Variants in CAB39 observed in about 807,000 individuals in gnomAD.
CAB39 encodes the protein calcium-binding protein 39.
Under a neutral mutation model 40.0 loss-of-function variants are expected in CAB39, and 8 were observed. The ratio of observed to expected loss-of-function variants is 0.20; its 90% CI spans 0.12 to 0.36. The LOEUF is 0.36. Ranked by LOEUF, CAB39 falls within the 10% of genes least tolerant of loss-of-function variation. The pLI, the probability that CAB39 is intolerant of heterozygous loss-of-function variation, is 1.00. For missense variants in CAB39, 270 were observed against 401.1 expected, an observed-to-expected ratio of 0.67 and a Z score of 2.79; for synonymous variants, 156 against 141.6, an observed-to-expected ratio of 1.10 and a Z score of -0.72.
intron 1 of CAB39, among the ~76,000 whole-genome samples, chr2:230,727,350 A>G (rs1053423857): frequency 6.8e-6 from 1 of 146,428 alleles, no homozygotes; most frequent in African/African-American, 2.7e-5. Context: ...GAGCACTTGA[A>G]TAGATTGTTA....
At chr2:230,787,079 T>C (rs867362969) in intron 2 of CAB39, among the ~76,000 whole-genome samples, 17 of 152,296 alleles carry the variant, frequency 1.1e-4, no homozygotes, top group South Asian at 4.1e-4. Flanking sequence ...TCAGTAGATA[T>C]TAGTGTAGGT....
chr2:230,818,451 C>A, intron 8 of CAB39, 65 bp from the exon 9 acceptor site: 1 of 1,353,022 alleles, frequency 7.4e-7, no homozygotes, highest in Non-Finnish European at 1.0e-6. Context: ...GCACTGTGGC[C>A]GCAGCTCAGG....
intron 1 of CAB39, among the ~76,000 whole-genome samples, chr2:230,739,737 G>A (rs1386629985): frequency 6.6e-6 from 1 of 152,144 alleles, no homozygotes; most frequent in African/African-American, 2.4e-5. Context: ...CGGGTGATCC[G>A]CCCACCTCGG....
chr2:230,765,846 T>A (rs1044829896), intron 2 of CAB39, among the ~76,000 whole-genome samples: 2 of 152,152 alleles, frequency 1.3e-5, no homozygotes, highest in African/African-American at 4.8e-5. Flanking sequence ...AATGCTGAGA[T>A]TGAGAACTCC....
chr2:230,761,804 G>A (rs1394675526), intron 2 of CAB39, among the ~76,000 whole-genome samples: 4 of 152,116 alleles, frequency 2.6e-5, no homozygotes, highest in African/African-American at 9.7e-5. Context: ...TAGATTAATT[G>A]AAACAATTTA....
chr2:230,797,846 A>C (rs1420156795), intron 4 of CAB39, among the ~76,000 whole-genome samples: 1 of 152,184 alleles, frequency 6.6e-6, no homozygotes, highest in Non-Finnish European at 1.5e-5. Context: ...CTATTTAGCC[A>C]AGAGGGAATC....
chr2:230,802,994 C>T lies in CAB39; in HGVS notation c.567+4097C>T, dbSNP rs1019374790. Among the ~76,000 whole-genome samples, 11 of 152,112 alleles carry T rather than the reference C, an allele frequency of 7.2e-5. No individual in the cohort carries two copies. The East Asian group carries it at 9.6e-4, about 13-fold the overall frequency. On this transcript the variant is annotated intron_variant, in intron 5 of 8. Transcript: ENST00000258418. ...CCAATATCCCTGATGAACATCAATG[C>T]GAAAATCCTCAATGAAATACTGGCG...
intron 2 of CAB39, among the ~76,000 whole-genome samples, chr2:230,762,198 G>T (rs564883562): frequency 7.6e-4 from 116 of 152,172 alleles, no homozygotes; most frequent in African/African-American, 2.6e-3. Context: ...GTGAACCACC[G>T]TGCCCAGCTG....
At position 230,820,122 on chromosome 2, in the gene CAB39, T is replaced by C. The variant is rs1696481993; in HGVS notation, c.*1418T>C. 6.6e-6 allele frequency: 1 copy of C among 152,660 alleles called. No homozygotes were observed. The highest frequency in any genetic ancestry group is 2.1e-4 in the South Asian group (1 of 4,828). The allele number at this position is 152,660 out of a possible 1,614,324, so 9.5% of individuals were successfully genotyped here. On this transcript the variant is annotated 3_prime_UTR_variant, in exon 9 of 9. Transcript: ENST00000258418. ...AACAATGTCTTCTAGACTATATCTA[T>C]GTAAAGTTATTAGAATGGTATCTGT...
intron 2 of CAB39, among the ~76,000 whole-genome samples, chr2:230,775,163 A>T (rs1048467795): frequency 6.6e-6 from 1 of 152,180 alleles, no homozygotes; most frequent in Non-Finnish European, 1.5e-5. Context: ...AAACTCAAAA[A>T]AAACAAAAAA....
At chr2:230,748,233 C>A (rs1695010065) in intron 1 of CAB39, among the ~76,000 whole-genome samples, 1 of 152,032 alleles carries the variant, frequency 6.6e-6, no homozygotes, top group African/African-American at 2.4e-5. Context: ...ACTTGTTCCT[C>A]CCTCTTGTTG....
chr2:230,749,732 CT>C (rs1695053400), intron 1 of CAB39, among the ~76,000 whole-genome samples: 1 of 152,088 alleles, frequency 6.6e-6, no homozygotes, highest in African/African-American at 2.4e-5. Flanking sequence ...TTTCCTTTTC[CT>C]ACTGTATTAA....
chr2:230,818,089 G>A, intron 8 of CAB39, 192 bp downstream of exon 8: 1 of 558,198 alleles, frequency 1.8e-6, no homozygotes, highest in Non-Finnish European at 3.1e-6. Context: ...GTTTGGATCT[G>A]GGAACGAGAA....
intron 1 of CAB39, among the ~76,000 whole-genome samples, chr2:230,742,850 AG>A (rs149205733): frequency 0.11 from 16,161 of 152,282 alleles, 1,136 homozygotes; most frequent in Middle Eastern, 0.16. Context: ...TAGCTGGCAA[AG>A]AAATGGCTGC....
intron 2 of CAB39, among the ~76,000 whole-genome samples, chr2:230,782,182 G>C (rs1239034985): frequency 1.3e-5 from 2 of 152,208 alleles, no homozygotes; most frequent in East Asian, 3.9e-4. Context: ...AAGTTTATCT[G>C]TTGTGTGTGT....
chr2:230,817,795 T>C lies in CAB39; in HGVS notation c.735T>C (p.Ile245=). The change falls in exon 8 of 9, where the codon ATT becomes ATC. Residue 245 remains isoleucine, a synonymous_variant. Transcript: ENST00000258418. ...TACTAGATAGACACAACTTCACAAT[T>C]ATGACAAAATACATCAGTAAACCTG... The part of the protein sequence containing the change: ...ELLLDRHNFT[I]MTKYISKPEN... The C allele has an allele frequency of 6.2e-7, 1 of 1,612,132 alleles. No homozygotes were observed. Among genetic ancestry groups the C allele is most frequent in the Non-Finnish European group, 8.5e-7 (1 of 1,178,826 alleles).
chr2:230,749,298 T>C (rs1380158872), intron 1 of CAB39, among the ~76,000 whole-genome samples: 1 of 152,134 alleles, frequency 6.6e-6, no homozygotes, highest in Non-Finnish European at 1.5e-5. Context: ...TAGCATGACC[T>C]CATAAGTACA....
intron 1 of CAB39, among the ~76,000 whole-genome samples, chr2:230,740,046 A>C (rs1309851882): frequency 3.9e-5 from 6 of 152,190 alleles, no homozygotes. Context: ...TGTCAGTATA[A>C]TTTTACATAG....
rs372962292 is a variant in CAB39, at chr2:230,818,596, C to G, written c.918C>G (p.Leu306=). Residue 306 remains leucine, a synonymous_variant, in exon 9 of 9, where the codon CTC becomes CTG. Transcript: ENST00000258418. Reference sequence around the variant, plus strand: ...ACCAGGCCAAACTCATAGAGTTCCTCAGCAAGTTTCAGAACGACAGGACGG... The same window carrying G: ...ACCAGGCCAAACTCATAGAGTTCCTGAGCAAGTTTCAGAACGACAGGACGG... The part of the protein sequence containing the change: ...LKNQAKLIEF[L]SKFQNDRTED... The G allele has an allele frequency of 2.5e-6, 4 of 1,613,970 alleles. No individual in the cohort carries two copies. The African/African-American group carries it at 5.3e-5, about 22-fold the overall frequency.
Sources: gnomAD v4.1 joint callset for allele counts (sites outside exome capture counted in the v4.1 genomes callset) on GRCh38, gnomAD v4.1.1 for gene constraint, MANE v1.5 for transcripts, NCBI Gene and HGNC (gene_info 2026-07-23, HGNC 2026-07-21) for gene names.